LUC7L2: variants seen among roughly 807,000 people sequenced by gnomAD.
The protein encoded by LUC7L2 is LUC7 like 2, pre-mRNA splicing factor.
A neutral mutation model predicts 52.8 loss-of-function variants in LUC7L2; 25 were observed. That is an observed-to-expected ratio of 0.47 (90% CI 0.34 to 0.66). The LOEUF (loss-of-function observed/expected upper bound fraction) is 0.66, where lower values mean the gene tolerates loss of function less well. LUC7L2 is among the 30% of genes least tolerant of loss of function. LUC7L2 has a pLI of 0.01. For missense variants in LUC7L2, 328 were observed against 497.8 expected (o/e 0.66, Z 3.25); for synonymous variants, 144 against 160.9 (o/e 0.89, Z 0.80).
At chr7:139,372,776 C>CA (rs1800518997) in intron 1 of LUC7L2, among the ~76,000 whole-genome samples, 1 of 151,982 alleles carries the variant, frequency 6.6e-6, no homozygotes, top group Non-Finnish European at 1.5e-5. Context: ...CCTGTCTCTA[C>CA]AAAAAAATTT....
intron 1 of LUC7L2, among the ~76,000 whole-genome samples, chr7:139,365,742 A>T (rs1261528292): frequency 6.6e-6 from 1 of 152,220 alleles, no homozygotes; most frequent in African/African-American, 2.4e-5. Context: ...TGCTGTTAGT[A>T]TGTAGAGTTC....
intron 1 of LUC7L2, chr7:139,341,147 G>A: frequency 1.8e-6 from 1 of 544,396 alleles, no homozygotes; most frequent in Non-Finnish European, 2.9e-6. Context: ...CCTTGTTCTG[G>A]GTTAGAGGTC....
intron 2 of LUC7L2, among the ~76,000 whole-genome samples, chr7:139,398,129 G>A (rs1794739546): frequency 6.6e-6 from 1 of 152,230 alleles, no homozygotes; most frequent in Admixed American, 6.5e-5. Flanking sequence ...AAAGTGCTGG[G>A]ATTACAGGCA....
chr7:139,390,464 A>G (rs567626954), intron 2 of LUC7L2, among the ~76,000 whole-genome samples: 3 of 151,666 alleles, frequency 2.0e-5, no homozygotes, highest in South Asian at 2.1e-4. Context: ...TCTGACCTCA[A>G]GTGATCCACC....
upstream of LUC7L2, among the ~76,000 whole-genome samples, chr7:139,356,314 CAAAAAAAAAAAA>C (rs10524961): frequency 1.2e-4 from 10 of 82,966 alleles, no homozygotes; most frequent in South Asian, 4.1e-3. Context: ...GACCCTATCT[CAAAAAAAAAAAA>C]AAAAAAAAAA....
intron 1 of LUC7L2, chr7:139,346,365 A>G (rs1799271333): frequency 6.6e-6 from 1 of 152,114 alleles, no homozygotes; most frequent in African/African-American, 2.4e-5. Context: ...GGTGGTCACT[A>G]TTACTAACAG....
chr7:139,420,468 GCT>G (rs1233471790), intron 9 of LUC7L2, among the ~76,000 whole-genome samples: 2 of 152,218 alleles, frequency 1.3e-5, no homozygotes, highest in African/African-American at 4.8e-5. Flanking sequence ...CTCCCAAAAT[GCT>G]GGGATTACAG....
chr7:139,365,362 C>G (rs1800101476), intron 1 of LUC7L2, among the ~76,000 whole-genome samples: 1 of 152,102 alleles, frequency 6.6e-6, no homozygotes, highest in Non-Finnish European at 1.5e-5. Context: ...ATCATTTTGT[C>G]TATTTCTGCA....
chr7:139,369,129 ATTGC>A (rs1250690737), intron 1 of LUC7L2, among the ~76,000 whole-genome samples: 2 of 152,072 alleles, frequency 1.3e-5, no homozygotes, highest in Non-Finnish European at 2.9e-5. Flanking sequence ...ATTTTCAGCT[ATTGC>A]TTGATAGCCA....
rs372317297 is a variant in LUC7L2, at chr7:139,377,649, C to T, written c.156+1493C>T. On this transcript the variant is annotated intron_variant, in intron 2 of 9. Transcript: ENST00000354926. The stretch of plus-strand genomic sequence containing the variant: ...CCTCGTGATCCACCCGCCTTGGCCT[C>T]CCAAAGTACTGGGATTACAGGCATG... Among the ~76,000 whole-genome samples the T allele has an allele frequency of 7.0e-4, 107 of 152,188 alleles. No individual in the cohort carries two copies. The South Asian group carries it at 0.022, about 31-fold the overall frequency.
At chr7:139,341,798 G>A (rs1258454892) in intron 1 of LUC7L2, among the ~76,000 whole-genome samples, 1 of 152,202 alleles carries the variant, frequency 6.6e-6, no homozygotes, top group Non-Finnish European at 1.5e-5. Flanking sequence ...TCATTGGCTG[G>A]TCTGTTGCCT....
intron 7 of LUC7L2, 43 bp downstream of exon 7, chr7:139,409,697 G>T: frequency 6.5e-7 from 1 of 1,528,162 alleles, no homozygotes. Flanking sequence ...AATCTCTGTG[G>T]TTCTAAAAAG....
intron 8 of LUC7L2, among the ~76,000 whole-genome samples, chr7:139,413,496 C>G (rs1227386174): frequency 6.6e-6 from 1 of 152,196 alleles, no homozygotes; most frequent in Non-Finnish European, 1.5e-5. Context: ...AAAAACCTGG[C>G]TGAGCGCAGT....
chr7:139,406,491 T>C (rs1387302396), intron 5 of LUC7L2, among the ~76,000 whole-genome samples: 1 of 151,888 alleles, frequency 6.6e-6, no homozygotes, highest in Non-Finnish European at 1.5e-5. Context: ...TAGCTGGGAC[T>C]ACAGGTGTGC....
intron 7 of LUC7L2, among the ~76,000 whole-genome samples, chr7:139,411,994 A>G (rs997445771): frequency 1.3e-5 from 2 of 152,134 alleles, no homozygotes; most frequent in African/African-American, 4.8e-5. Flanking sequence ...CAAAATCTGA[A>G]ACTTCTTGAG....
chr7:139,389,380 CT>C (rs1310108668), intron 2 of LUC7L2, among the ~76,000 whole-genome samples: 4 of 152,160 alleles, frequency 2.6e-5, no homozygotes, highest in Non-Finnish European at 5.9e-5. Flanking sequence ...CCTACATCCC[CT>C]TTTCCCCCCA....
intron 2 of LUC7L2, among the ~76,000 whole-genome samples, chr7:139,393,505 G>A (rs554669918): frequency 6.6e-6 from 1 of 152,176 alleles, no homozygotes; most frequent in African/African-American, 2.4e-5. Flanking sequence ...GGGCTGGAGT[G>A]CACGATCTCA....
At chr7:139,376,679 T>C (rs1467884230) in intron 2 of LUC7L2, among the ~76,000 whole-genome samples, 1 of 152,214 alleles carries the variant, frequency 6.6e-6, no homozygotes. Context: ...ATGTTGATCT[T>C]AGAGTATCAT....
intron 9 of LUC7L2, among the ~76,000 whole-genome samples, chr7:139,420,307 G>T (rs556282130): frequency 1.9e-3 from 289 of 152,260 alleles, no homozygotes; most frequent in Non-Finnish European, 3.4e-3. Flanking sequence ...GGGTTCAAGC[G>T]ATTCTTTTGC....
Sources: gnomAD v4.1 joint callset for allele counts (sites outside exome capture counted in the v4.1 genomes callset) on GRCh38, gnomAD v4.1.1 for gene constraint, MANE v1.5 for transcripts, NCBI Gene and HGNC (gene_info 2026-07-23, HGNC 2026-07-21) for gene names.